Variants in EEF1AKMT2 observed in about 807,000 individuals in gnomAD.
EEF1AKMT2 encodes the protein eukaryotic translation elongation factor 1 alpha lysine methyltransferase 2.
Under a neutral mutation model 35.8 loss-of-function variants are expected in EEF1AKMT2, and 32 were observed. The ratio of observed to expected loss-of-function variants is 0.89; its 90% CI spans 0.67 to 1.20. The LOEUF (loss-of-function observed/expected upper bound fraction) is 1.20, where lower values mean the gene tolerates loss of function less well. Among genes scored for constraint, EEF1AKMT2 ranks in the 50% most tolerant of loss-of-function variants. The pLI, the probability that EEF1AKMT2 is intolerant of heterozygous loss-of-function variation, is 0.00. For missense variants in EEF1AKMT2, 330 were observed against 347.5 expected, an observed-to-expected ratio of 0.95 and a Z score of 0.40; for synonymous variants, 121 against 133.7, an observed-to-expected ratio of 0.91 and a Z score of 0.65.
chr10:124,779,598 A>G (rs1286988692), intron 3 of EEF1AKMT2, among the ~76,000 whole-genome samples: 1 of 149,800 alleles, frequency 6.7e-6, no homozygotes, highest in Non-Finnish European at 1.5e-5. Flanking sequence ...AATACAAAAA[A>G]TTAGCCGGAC....
intron 5 of EEF1AKMT2, among the ~76,000 whole-genome samples, chr10:124,764,967 T>C (rs1950365878): frequency 6.6e-6 from 1 of 152,210 alleles, no homozygotes. Context: ...AGTGGCACAA[T>C]CTCGACTCAC....
intron 5 of EEF1AKMT2, 69 bp from the exon 6 acceptor site, chr10:124,762,627 G>A: frequency 1.1e-6 from 1 of 875,474 alleles, no homozygotes; most frequent in Non-Finnish European, 1.4e-6. Context: ...GCATCAATTG[G>A]TCTATCATAC....
rs1380155270 is a variant in EEF1AKMT2, at chr10:124,774,146, T to C, written c.399+529A>G. Among the ~76,000 whole-genome samples, 3 of 151,992 alleles carry C rather than the reference T, an allele frequency of 2.0e-5. No homozygotes were observed. The East Asian group carries it at 5.8e-4, about 29-fold the overall frequency. ...ACTCTGGGAGGCCGAAGCGGGCAGA[T>C]CACGAGATCAGGAGATCGAGACCGT... On this transcript the variant is annotated intron_variant, in intron 4 of 6. Coordinates refer to ENST00000368836, the MANE Select transcript of EEF1AKMT2 (RefSeq NM_212554.4).
chr10:124,771,514 T>C (rs1391348841), intron 4 of EEF1AKMT2, among the ~76,000 whole-genome samples: 2 of 152,126 alleles, frequency 1.3e-5, no homozygotes, highest in African/African-American at 4.8e-5. Context: ...GACTGTAAAG[T>C]CGAAATTACT....
intron 4 of EEF1AKMT2, among the ~76,000 whole-genome samples, chr10:124,767,343 C>G (rs1041058420): frequency 2.0e-5 from 3 of 150,768 alleles, no homozygotes; most frequent in African/African-American, 7.3e-5. Context: ...GAAACCCTGT[C>G]TCTACTAAAA....
chr10:124,786,794 A>C (rs1178614332), intron 3 of EEF1AKMT2, among the ~76,000 whole-genome samples: 1 of 152,010 alleles, frequency 6.6e-6, no homozygotes, highest in African/African-American at 2.4e-5. Context: ...TGGGCTACAG[A>C]GTGAAACTCC....
At chr10:124,775,327 T>C (rs1950479337) in intron 3 of EEF1AKMT2, among the ~76,000 whole-genome samples, 1 of 152,184 alleles carries the variant, frequency 6.6e-6, no homozygotes, top group Non-Finnish European at 1.5e-5. Flanking sequence ...ACAGAAAACC[T>C]GTGAGGTAGG....
chr10:124,771,711 T>C (rs1950438482), intron 4 of EEF1AKMT2, among the ~76,000 whole-genome samples: 1 of 151,702 alleles, frequency 6.6e-6, no homozygotes, highest in Non-Finnish European at 1.5e-5. Context: ...CTACTAAAAA[T>C]ACAAAAAATT....
Position 124,760,495 on chromosome 10 carries a change from G to A in EEF1AKMT2, c.*8C>T, listed in dbSNP as rs367893747. ...TTGGGTGTTGGTAGCTCTTCGAGAAGTTCAAATCCTGTCAGACAAAATTTA... is the reference window on the plus strand; with the variant it reads ...TTGGGTGTTGGTAGCTCTTCGAGAAATTCAAATCCTGTCAGACAAAATTTA... On this transcript the variant is annotated 3_prime_UTR_variant, in exon 7 of 7. Transcript: ENST00000368836. 3.7e-4 allele frequency: 598 copies of A among 1,613,386 alleles called. No individual in the cohort carries two copies. Among genetic ancestry groups the A allele is most frequent in the Non-Finnish European group, 4.7e-4 (560 of 1,179,408 alleles).
At chr10:124,790,390 GA>G (rs768831640) in intron 1 of EEF1AKMT2, 52 bp from the exon 2 acceptor site, 4 of 1,259,772 alleles carry the variant, frequency 3.2e-6, no homozygotes, top group Non-Finnish European at 4.7e-6. Context: ...ACTGTATTAT[GA>G]ATTAAATGTA....
intron 3 of EEF1AKMT2, among the ~76,000 whole-genome samples, chr10:124,786,788 C>A (rs1329965961): frequency 6.6e-6 from 1 of 151,162 alleles, no homozygotes; most frequent in African/African-American, 2.4e-5. Flanking sequence ...CTAGCCTGGG[C>A]TACAGAGTGA....
chr10:124,762,449 A>G lies in EEF1AKMT2; in HGVS notation c.726T>C (p.His242=). 4 of 1,301,294 alleles carry G rather than the reference A, an allele frequency of 3.1e-6. No homozygotes were observed. The highest frequency in any genetic ancestry group is 4.1e-6 in the Non-Finnish European group (4 of 986,386). 80.6% of individuals were successfully genotyped at this position (1,301,294 alleles called of 1,614,324 possible). A position where few individuals can be genotyped will look rare whatever the true frequency, so the allele number is the denominator to read the frequency against. Residue 242 remains histidine (H), a synonymous_variant, in exon 6 of 7, where the codon CAT becomes CAC. Transcript: ENST00000368836. Reference sequence around the variant, plus strand: ...AAAATACAAAAATTATCCAGGCATGATGATGTGTGCCTGTAGTTCCACCTA... The same window carrying G: ...AAAATACAAAAATTATCCAGGCATGGTGATGTGTGCCTGTAGTTCCACCTA... ...SRVGGTTGTH[H]HAWIIFVFLA...
intron 4 of EEF1AKMT2, among the ~76,000 whole-genome samples, chr10:124,771,497 CATTTAA>C (rs1181154435): frequency 2.0e-5 from 3 of 152,128 alleles, no homozygotes; most frequent in Admixed American, 2.0e-4. Context: ...TTAAATAACA[CATTTAA>C]GACTGTAAAG....
intron 4 of EEF1AKMT2, among the ~76,000 whole-genome samples, chr10:124,774,394 A>G (rs1466155323): frequency 6.7e-6 from 1 of 149,050 alleles, no homozygotes; most frequent in Non-Finnish European, 1.5e-5. Context: ...AAAAAAAAAA[A>G]AAAAAAAAAA....
chr10:124,758,285 T>C lies in EEF1AKMT2; in HGVS notation c.*2218A>G, dbSNP rs1950302376. The C allele has an allele frequency of 6.6e-6, 1 of 152,232 alleles. No homozygotes were observed. Among genetic ancestry groups the C allele is most frequent in the Non-Finnish European group, 1.5e-5 (1 of 68,028 alleles). 9.4% of individuals were successfully genotyped at this position (152,232 alleles called of 1,614,324 possible). A position where few individuals can be genotyped will look rare whatever the true frequency, so the allele number is the denominator to read the frequency against. Reference sequence around the variant, plus strand: ...ATTTATACAATTTAACAATACTAAGTTAAATAATGTATTTATGGTTTGTTT... The same window carrying C: ...ATTTATACAATTTAACAATACTAAGCTAAATAATGTATTTATGGTTTGTTT... On this transcript the variant is annotated 3_prime_UTR_variant, in exon 7 of 7. Coordinates refer to ENST00000368836, the MANE Select transcript of EEF1AKMT2 (RefSeq NM_212554.4).
At chr10:124,778,984 G>T (rs1950512725) in intron 3 of EEF1AKMT2, among the ~76,000 whole-genome samples, 1 of 151,754 alleles carries the variant, frequency 6.6e-6, no homozygotes, top group Admixed American at 6.6e-5. Flanking sequence ...ATAAGAAATG[G>T]TCTTCAATGG....
intron 4 of EEF1AKMT2, among the ~76,000 whole-genome samples, chr10:124,771,328 T>C (rs987304446): frequency 5.9e-5 from 9 of 151,772 alleles, no homozygotes; most frequent in Admixed American, 5.3e-4. Flanking sequence ...CTTGATCTCC[T>C]GACCTTGTGA....
intron 5 of EEF1AKMT2, among the ~76,000 whole-genome samples, chr10:124,763,628 A>G (rs1950351468): frequency 6.6e-6 from 1 of 152,192 alleles, no homozygotes; most frequent in Admixed American, 6.5e-5. Flanking sequence ...CTAAAATTGA[A>G]CATAGTTTAC....
Position 124,758,332 on chromosome 10 carries a change from T to C in EEF1AKMT2, c.*2171A>G, listed in dbSNP as rs1003752834. 1.3e-5 allele frequency: 2 copies of C among 152,198 alleles called. No individual in the cohort carries two copies. Among genetic ancestry groups the C allele is most frequent in the African/African-American group, 4.8e-5 (2 of 41,448 alleles). 9.4% of individuals were successfully genotyped at this position (152,198 alleles called of 1,614,324 possible). Reference sequence around the variant, plus strand: ...GTTTCAGGAACCTGGTGACACTTGCTGGCCTGGTTTTTACAGTTTGGTATT... The same window carrying C: ...GTTTCAGGAACCTGGTGACACTTGCCGGCCTGGTTTTTACAGTTTGGTATT... On this transcript the variant is annotated 3_prime_UTR_variant, in exon 7 of 7. Transcript: ENST00000368836.
Sources: gnomAD v4.1 joint callset for allele counts (sites outside exome capture counted in the v4.1 genomes callset) on GRCh38, gnomAD v4.1.1 for gene constraint, MANE v1.5 for transcripts, NCBI Gene and HGNC (gene_info 2026-07-23, HGNC 2026-07-21) for gene names.